The following TENM1 variants were observed in gnomAD, a reference collection of about 807,000 sequenced individuals.
TENM1 encodes teneurin-1.
Under a neutral mutation model 174.8 loss-of-function variants are expected in TENM1, and 35 were observed. The ratio of observed to expected loss-of-function variants is 0.20; its 90% CI spans 0.15 to 0.27. The LOEUF (loss-of-function observed/expected upper bound fraction) is 0.27, where lower values mean the gene tolerates loss of function less well. Ranked by LOEUF, TENM1 falls within the 10% of genes least tolerant of loss-of-function variation. TENM1 has a pLI of 1.00. For synonymous variants in TENM1, 781 were observed against 798.7 expected (o/e 0.98, Z 0.37); for missense variants, 1,633 against 2,130.1 (o/e 0.77, Z 4.59).
chrX:124,455,843 A>C, intron 22 of TENM1, among the ~76,000 whole-genome samples: 2 of 111,522 alleles, frequency 1.8e-5, no homozygotes, highest in Middle Eastern at 4.6e-3. Context: ...GATCCTCTAA[A>C]AATTTGAGCA....
At chrX:124,880,354 T>C (rs1215251172) in intron 3 of TENM1, among the ~76,000 whole-genome samples, 1 of 112,317 alleles carries the variant, frequency 8.9e-6, no homozygotes. Context: ...ATAACAATGC[T>C]ACTAATTTTT....
At chrX:124,944,583 C>T (rs1440625396) in intron 1 of TENM1, among the ~76,000 whole-genome samples, 5 of 110,355 alleles carry the variant, frequency 4.5e-5, no homozygotes, top group Non-Finnish European at 9.5e-5. Flanking sequence ...ATGTGCCAGA[C>T]ATTATTTTAG....
At chrX:125,024,763 A>C in the TENM1 span, among the ~76,000 whole-genome samples, 1 of 112,141 alleles carries the variant, frequency 8.9e-6, no homozygotes, top group East Asian at 2.8e-4. Context: ...AAATAAAATA[A>C]AATAAGATAT....
chrX:125,008,044 A>C, the TENM1 span, among the ~76,000 whole-genome samples: 2 of 111,399 alleles, frequency 1.8e-5, no homozygotes, highest in Non-Finnish European at 3.8e-5. Flanking sequence ...TTAACCTTAA[A>C]TTTAAATGGA....
intron 23 of TENM1, among the ~76,000 whole-genome samples, chrX:124,429,493 G>A (rs2060754104): frequency 9.0e-6 from 1 of 111,051 alleles, no homozygotes; most frequent in African/African-American, 3.3e-5. Flanking sequence ...AATGGAGGGA[G>A]TTTGGGGCAA....
intron 3 of TENM1, among the ~76,000 whole-genome samples, chrX:124,853,836 T>C (rs1317212337): frequency 9.1e-6 from 1 of 110,194 alleles, no homozygotes; most frequent in Non-Finnish European, 1.9e-5. Flanking sequence ...AGCAGTATAA[T>C]GAAAGAAAGA....
intron 3 of TENM1, among the ~76,000 whole-genome samples, chrX:124,846,633 G>A (rs1017595332): frequency 9.0e-6 from 1 of 111,306 alleles, no homozygotes; most frequent in Non-Finnish European, 1.9e-5. Flanking sequence ...AATTAACAAT[G>A]ATAACAGGAA....
intron 5 of TENM1, among the ~76,000 whole-genome samples, chrX:124,696,743 T>C (rs1210693512): frequency 8.9e-6 from 1 of 111,761 alleles, no homozygotes; most frequent in Non-Finnish European, 1.9e-5. Context: ...ATATCTACGC[T>C]TAATTAAAAT....
rs186510271 is a variant in TENM1 at position 124,544,152 on chromosome X, G to C, written c.2651+2722C>G. 2.7e-5 allele frequency among the ~76,000 whole-genome samples: 3 copies of C among 112,794 alleles called. No homozygotes were observed. The Admixed American group carries it at 2.8e-4, about 11-fold the overall frequency. ...AAAAAGCAAAGTGGTTTGTTCACCT[G>C]ATTATGGCACATAAGTGTCCTAGAT... is the stretch of plus-strand genomic sequence containing the variant. On this transcript the variant is annotated intron_variant, in intron 15 of 31. Transcript: ENST00000422452.
the TENM1 span, among the ~76,000 whole-genome samples, chrX:125,082,809 A>G: frequency 2.4e-4 from 27 of 111,083 alleles, no homozygotes; most frequent in African/African-American, 7.8e-4. Flanking sequence ...TTGTGTGTAC[A>G]TAGTAGTTGT....
intron 3 of TENM1, among the ~76,000 whole-genome samples, chrX:124,776,385 T>C (rs1306694297): frequency 8.9e-6 from 1 of 111,919 alleles, no homozygotes; most frequent in Non-Finnish European, 1.9e-5. Flanking sequence ...AGAAGAAGTA[T>C]AATCAGAATA....
intron 1 of TENM1, among the ~76,000 whole-genome samples, chrX:124,926,144 G>T (rs779140124): frequency 8.9e-6 from 1 of 112,441 alleles, no homozygotes; most frequent in Admixed American, 9.4e-5. Flanking sequence ...GTACAGAAAA[G>T]AATATGGAAA....
At chrX:124,809,535 C>T (rs1178982521) in intron 3 of TENM1, among the ~76,000 whole-genome samples, 3 of 111,368 alleles carry the variant, frequency 2.7e-5, no homozygotes, top group African/African-American at 9.8e-5. Context: ...TTGTGCAAAT[C>T]AGTTAAATTT....
At chrX:125,043,099 C>T in the TENM1 span, among the ~76,000 whole-genome samples, 3 of 106,260 alleles carry the variant, frequency 2.8e-5, no homozygotes, top group Non-Finnish European at 3.9e-5. Flanking sequence ...AGGACATAGG[C>T]GTGGGCAAGG....
At chrX:124,836,486 T>G in intron 3 of TENM1, among the ~76,000 whole-genome samples, 1 of 112,356 alleles carries the variant, frequency 8.9e-6, no homozygotes, top group Non-Finnish European at 1.9e-5. Flanking sequence ...AGGGAAAGTT[T>G]ACTTGTACTT....
the TENM1 span, among the ~76,000 whole-genome samples, chrX:125,022,496 C>T: frequency 9.0e-6 from 1 of 111,673 alleles, no homozygotes; most frequent in East Asian, 2.8e-4. Context: ...GTTCAGATGG[C>T]ATTATCATGT....
At chrX:124,683,445 G>A (rs937186354) in intron 5 of TENM1, among the ~76,000 whole-genome samples, 4 of 111,651 alleles carry the variant, frequency 3.6e-5, no homozygotes, top group African/African-American at 1.3e-4. Flanking sequence ...ATTCCAACCC[G>A]TTACTTTTGC....
At position 124,478,847 on chromosome X, in the gene TENM1, T is replaced by C. The variant is rs148420115; in HGVS notation, c.3949+2885A>G. ...AAAAAACAAACAAATTGGGCTTTCT[T>C]GAGAAACAAAGAATCTGTAAGAGAA... On this transcript the variant is annotated intron_variant, in intron 22 of 31. Transcript: ENST00000422452. Among the ~76,000 whole-genome samples, 524 of 112,555 alleles carry C rather than the reference T, an allele frequency of 4.7e-3. 3 individuals carry two copies. Among genetic ancestry groups the C allele is most frequent in the African/African-American group, 0.016 (504 of 31,044 alleles).
At position 124,422,518 on chromosome X, in the gene TENM1, G is replaced by A. The variant is rs1332169292; in HGVS notation, c.4225C>T (p.Arg1409Cys). ...CCTGGCACCTGGCAGTGAATGGGGC[G>A]TCCTGCGATGATCCGAACACGCCTG... The change falls in exon 24 of 32, where the codon CGC becomes TGC. Residue 1409 changes from arginine to cysteine, a missense_variant. By Grantham distance (180) the Arg-to-Cys change is radical. Around this residue, in one of 4 missense-constraint regions of TENM1, gnomAD observed 807 missense variants for 1,125.3 expected, o/e 0.72. Transcript: ENST00000422452. The A allele has an allele frequency of 2.5e-6, 3 of 1,211,035 alleles. No individual in the cohort carries two copies. The highest frequency in any genetic ancestry group is 1.8e-5 in the South Asian group (1 of 56,937).
Sources: allele counts gnomAD v4.1 joint callset (sites outside exome capture counted in the v4.1 genomes callset), GRCh38; gene constraint gnomAD v4.1.1; regional missense constraint gnomAD v4.1.1; transcripts MANE v1.5; gene names NCBI Gene and HGNC (gene_info 2026-07-23, HGNC 2026-07-21).